The following ZNF704 variants were observed in gnomAD, a reference collection of about 807,000 sequenced individuals.
ZNF704 encodes the protein zinc finger protein 704.
A neutral mutation model predicts 44.7 loss-of-function variants in ZNF704; 10 were observed. The observed-to-expected ratio is 0.22, with a 90% CI of 0.14 to 0.38. The LOEUF (loss-of-function observed/expected upper bound fraction) is 0.38, where lower values mean the gene tolerates loss of function less well. Ranked by LOEUF, ZNF704 falls within the 10% of genes least tolerant of loss-of-function variation. The pLI is 1.00. For missense variants in ZNF704, 390 were observed against 545.5 expected (o/e 0.71, Z 2.84); for synonymous variants, 211 against 207.6 (o/e 1.02, Z -0.14).
chr8:80,687,252 C>T lies in ZNF704; in HGVS notation c.532G>A (p.Asp178Asn). The change falls in exon 4 of 9, where the codon GAC (aspartate) becomes AAC (asparagine). Residue 178 changes from aspartate to asparagine, a missense_variant. Asp to Asn is a conservative substitution (Grantham distance 23, BLOSUM62 1). Coordinates refer to ENST00000327835, the MANE Select transcript of ZNF704 (RefSeq NM_001033723.3). Reference protein sequence around the residue: ...DEAEASNLLFDEPIPRKRKNS... With the variant: ...DEAEASNLLFNEPIPRKRKNS... ...TTTCTTTTCCTGGGAATGGGCTCGT[C>T]GAAGAGCAGGTTGCTGGCCTCCGCC... is the stretch of plus-strand genomic sequence containing the variant. 3 of 1,612,542 alleles carry T rather than the reference C, an allele frequency of 1.9e-6. No homozygotes were observed. Among genetic ancestry groups the T allele is most frequent in the Non-Finnish European group, 2.5e-6 (3 of 1,179,400 alleles).
chr8:80,639,075 C>T lies in ZNF704; in HGVS notation c.*2291G>A, dbSNP rs950760441. 3.3e-5 allele frequency: 5 copies of T among 152,254 alleles called. No individual in the cohort carries two copies. The highest frequency in any genetic ancestry group is 7.2e-5 in the African/African-American group (3 of 41,434). The allele number at this position is 152,254 out of a possible 1,614,324, so 9.4% of individuals were successfully genotyped here. On this transcript the variant is annotated 3_prime_UTR_variant, in exon 9 of 9. Coordinates refer to ENST00000327835, the MANE Select transcript of ZNF704 (RefSeq NM_001033723.3). ...GACTGCTCCATAGCAAAGATCTCTC[C>T]CTCCTTGTGTTTCAAAGTTCTGGGA... is the stretch of plus-strand genomic sequence containing the variant.
At chr8:80,779,005 A>C (rs1207771382) in intron 2 of ZNF704, among the ~76,000 whole-genome samples, 1 of 152,066 alleles carries the variant, frequency 6.6e-6, no homozygotes, top group South Asian at 2.1e-4. Flanking sequence ...CCTGAACCGA[A>C]AATAAAATTT....
At chr8:80,781,736 C>T (rs1048565715) in intron 2 of ZNF704, among the ~76,000 whole-genome samples, 3 of 152,196 alleles carry the variant, frequency 2.0e-5, no homozygotes, top group Non-Finnish European at 1.5e-5. Context: ...AGAAGGGTGT[C>T]ACTCATGGGA....
At chr8:80,830,149 A>G (rs900195108) in intron 1 of ZNF704, among the ~76,000 whole-genome samples, 1 of 152,202 alleles carries the variant, frequency 6.6e-6, no homozygotes, top group Non-Finnish European at 1.5e-5. Flanking sequence ...GAGTCTTAAG[A>G]AGCTGGGCTC....
chr8:80,839,352 C>A (rs1808637198), intron 1 of ZNF704, among the ~76,000 whole-genome samples: 1 of 152,292 alleles, frequency 6.6e-6, no homozygotes, highest in Admixed American at 6.5e-5. Flanking sequence ...ATTTAAAATA[C>A]AATTTATCAT....
intron 4 of ZNF704, among the ~76,000 whole-genome samples, chr8:80,680,543 GA>G (rs1818437254): frequency 6.6e-6 from 1 of 152,094 alleles, no homozygotes; most frequent in African/African-American, 2.4e-5. Context: ...CCTGTCTCAT[GA>G]AAACCCACAC....
intron 3 of ZNF704, among the ~76,000 whole-genome samples, chr8:80,691,954 T>C (rs1011736050): frequency 6.6e-6 from 1 of 152,166 alleles, no homozygotes; most frequent in Admixed American, 6.5e-5. Context: ...AGCACCAAAC[T>C]CTTGATTCTG....
At chr8:80,683,162 C>T (rs1404332237) in intron 4 of ZNF704, among the ~76,000 whole-genome samples, 2 of 152,338 alleles carry the variant, frequency 1.3e-5, no homozygotes, top group Middle Eastern at 3.4e-3. Flanking sequence ...AGTCAAGAGT[C>T]CTGGCTCACA....
At chr8:80,791,669 C>T (rs1371484746) in intron 2 of ZNF704, among the ~76,000 whole-genome samples, 1 of 152,084 alleles carries the variant, frequency 6.6e-6, no homozygotes, top group Non-Finnish European at 1.5e-5. Context: ...GCAGCCAAGG[C>T]TTCTGCTGAC....
Position 80,632,674 on chromosome 8 carries a change from TA to T in ZNF704, c.*8691del, listed in dbSNP as rs1354108560. 1.3e-5 allele frequency: 2 copies of T among 152,196 alleles called. No homozygotes were observed. The highest frequency in any genetic ancestry group is 4.8e-5 in the African/African-American group (2 of 41,454). 9.4% of individuals were successfully genotyped at this position (152,196 alleles called of 1,614,324 possible). On this transcript the variant is annotated 3_prime_UTR_variant, in exon 9 of 9. Coordinates refer to ENST00000327835, the MANE Select transcript of ZNF704 (RefSeq NM_001033723.3). ...TGGTGCCTAACATGAAAGAACATTT[TA>T]AAAAACAAGGACTACAGTTTAATCA...
chr8:80,857,047 AC>A (rs1291939083), intron 1 of ZNF704, among the ~76,000 whole-genome samples: 2 of 151,978 alleles, frequency 1.3e-5, no homozygotes, highest in African/African-American at 4.8e-5. Flanking sequence ...GATTTCACAT[AC>A]CTTTTTTGTA....
At position 80,629,287 on chromosome 8, in the gene ZNF704, T is replaced by A. The variant is rs183114706; in HGVS notation, c.*12079A>T. The A allele has an allele frequency of 6.6e-6, 1 of 152,332 alleles. No individual in the cohort carries two copies. The highest frequency in any genetic ancestry group is 1.9e-4 in the East Asian group (1 of 5,188). 9.4% of individuals were successfully genotyped at this position (152,332 alleles called of 1,614,324 possible). ...TCAGACAGGTATTCAGAAATGTGTATCAGAACATCTGGATTTGGCTAAAAA... is the reference window on the plus strand; with the variant it reads ...TCAGACAGGTATTCAGAAATGTGTAACAGAACATCTGGATTTGGCTAAAAA... On this transcript the variant is annotated 3_prime_UTR_variant, in exon 9 of 9. Coordinates refer to ENST00000327835, the MANE Select transcript of ZNF704 (RefSeq NM_001033723.3).
chr8:80,883,106 G>A, the ZNF704 span, among the ~76,000 whole-genome samples: 2 of 147,602 alleles, frequency 1.4e-5, no homozygotes, highest in South Asian at 4.3e-4. Flanking sequence ...AAATTAGCCA[G>A]GCATGGCAGT....
intron 2 of ZNF704, among the ~76,000 whole-genome samples, chr8:80,743,463 A>T (rs1242545812): frequency 6.6e-6 from 1 of 152,208 alleles, no homozygotes; most frequent in South Asian, 2.1e-4. Flanking sequence ...ACATGTAATG[A>T]TAAATAAATA....
In ZNF704 at chr8:80,636,436, T is replaced by A. The variant is rs1361692036; in HGVS notation, c.*4930A>T. ...AATAAGCAAACCAGTTGGTCTTAAA[T>A]ACATTTTATACTTTCTTGCTCTATT... On this transcript the variant is annotated 3_prime_UTR_variant, in exon 9 of 9. Coordinates refer to ENST00000327835, the MANE Select transcript of ZNF704 (RefSeq NM_001033723.3). The A allele has an allele frequency of 6.6e-6, 1 of 152,222 alleles. No homozygotes were observed. The highest frequency in any genetic ancestry group is 2.4e-5 in the African/African-American group (1 of 41,460). The allele number at this position is 152,222 out of a possible 1,614,324, so 9.4% of individuals were successfully genotyped here.
chr8:80,630,524 C>T lies in ZNF704; in HGVS notation c.*10842G>A, dbSNP rs1817566480. 6.6e-6 allele frequency: 1 copy of T among 152,148 alleles called. No homozygotes were observed. Among genetic ancestry groups the T allele is most frequent in the Non-Finnish European group, 1.5e-5 (1 of 68,018 alleles). 9.4% of individuals were successfully genotyped at this position (152,148 alleles called of 1,614,324 possible). A position where few individuals can be genotyped will look rare whatever the true frequency, so the allele number is the denominator to read the frequency against. ...TTTAGATTTGGTGTAGAAAACAATT[C>T]AGAAGATGGCTTAATTTTTTAAAGT... is the stretch of plus-strand genomic sequence containing the variant. On this transcript the variant is annotated 3_prime_UTR_variant, in exon 9 of 9. Coordinates refer to ENST00000327835, the MANE Select transcript of ZNF704 (RefSeq NM_001033723.3).
chr8:80,830,351 T>C (rs1032518531), intron 1 of ZNF704, among the ~76,000 whole-genome samples: 2 of 152,232 alleles, frequency 1.3e-5, no homozygotes, highest in African/African-American at 4.8e-5. Context: ...GACTGGAACC[T>C]ACATTAGCTT....
chr8:80,873,374 T>TCCTCGCGCTG (rs1474639618), intron 1 of ZNF704, among the ~76,000 whole-genome samples: 1 of 151,814 alleles, frequency 6.6e-6, no homozygotes, highest in Non-Finnish European at 1.5e-5. Context: ...AATCAACAGT[T>TCCTCGCGCTG]CCTCGCGCTG....
chr8:80,832,446 G>T (rs1004349520), intron 1 of ZNF704, among the ~76,000 whole-genome samples: 15 of 152,080 alleles, frequency 9.9e-5, no homozygotes, highest in Non-Finnish European at 5.9e-5. Flanking sequence ...CTACACTCAA[G>T]TACACTCTGG....
Sources: gnomAD v4.1 joint callset for allele counts (sites outside exome capture counted in the v4.1 genomes callset) on GRCh38, gnomAD v4.1.1 for gene constraint, MANE v1.5 for transcripts, NCBI Gene and HGNC (gene_info 2026-07-23, HGNC 2026-07-21) for gene names.